The following SRFBP1 variants were observed in gnomAD, a reference collection of about 807,000 sequenced individuals.
The protein encoded by SRFBP1 is serum response factor-binding protein 1.
Under a neutral mutation model 45.5 loss-of-function variants are expected in SRFBP1, and 47 were observed. The ratio of observed to expected loss-of-function variants is 1.03; its 90% confidence interval spans 0.82 to 1.32. The LOEUF is 1.32. Among genes scored for constraint, SRFBP1 ranks in the 40% most tolerant of loss-of-function variants. The probability of loss-of-function intolerance (pLI) is 0.00; values close to 1 mark genes in which losing one functional copy is unlikely to be tolerated. For missense variants in SRFBP1, 621 were observed against 484.6 expected (o/e 1.28, Z -2.64); for synonymous variants, 203 against 166.3 (o/e 1.22, Z -1.70).
Position 121,971,002 on chromosome 5 carries a change from C to T in SRFBP1, c.37-3194C>T, listed in dbSNP as rs533336503. 3.9e-5 allele frequency among the ~76,000 whole-genome samples: 6 copies of T among 152,102 alleles called. No individual in the cohort carries two copies. The East Asian group carries it at 7.7e-4, about 20-fold the overall frequency. ...CAAAATCAGGATGAATAGATGTTAA[C>T]AAGTTGACATGGGAAAAAAGAACAT... On this transcript the variant is annotated intron_variant, in intron 1 of 7. Transcript: ENST00000339397.
intron 2 of SRFBP1, among the ~76,000 whole-genome samples, chr5:122,073,171 A>G (rs913816148): frequency 6.6e-6 from 1 of 152,340 alleles, no homozygotes; most frequent in Middle Eastern, 3.4e-3. Context: ...AGTTATGTAC[A>G]TTCACTACCC....
chr5:122,052,779 C>G (rs1289467932), intron 2 of SRFBP1, among the ~76,000 whole-genome samples: 1 of 152,198 alleles, frequency 6.6e-6, no homozygotes, highest in African/African-American at 2.4e-5. Flanking sequence ...AGTTAAGAAC[C>G]TTGCTGGGCA....
intron 1 of SRFBP1, among the ~76,000 whole-genome samples, chr5:121,962,659 T>C (rs1751974296): frequency 6.6e-6 from 1 of 152,214 alleles, no homozygotes; most frequent in Non-Finnish European, 1.5e-5. Flanking sequence ...CAGTCCATTC[T>C]CATCAGACAT....
At chr5:122,012,230 G>T (rs1273379414) in intron 4 of SRFBP1, among the ~76,000 whole-genome samples, 3 of 151,668 alleles carry the variant, frequency 2.0e-5, no homozygotes, top group Non-Finnish European at 4.4e-5. Flanking sequence ...GTTAAATGTA[G>T]GATTTTCTAA....
chr5:122,001,804 A>G (rs1026740462), intron 4 of SRFBP1, among the ~76,000 whole-genome samples: 14 of 149,414 alleles, frequency 9.4e-5, no homozygotes, highest in Admixed American at 4.0e-4. Flanking sequence ...CTCATGATCC[A>G]CCCGCCTCGG....
intron 4 of SRFBP1, among the ~76,000 whole-genome samples, chr5:122,003,891 A>G (rs1374275164): frequency 6.6e-6 from 1 of 152,114 alleles, no homozygotes. Flanking sequence ...TCCTTTGCCT[A>G]TTTTTAATTG....
chr5:121,969,650 A>T (rs565411640), intron 1 of SRFBP1, among the ~76,000 whole-genome samples: 12 of 152,030 alleles, frequency 7.9e-5, no homozygotes, highest in Non-Finnish European at 1.8e-4. Context: ...GCGATACTTC[A>T]CTGTCAGTAC....
At chr5:121,963,101 AG>A (rs1751983971) in intron 1 of SRFBP1, among the ~76,000 whole-genome samples, 1 of 152,216 alleles carries the variant, frequency 6.6e-6, no homozygotes, top group Admixed American at 6.5e-5. Flanking sequence ...GATTCAGGAA[AG>A]GGGAAGAAGT....
At chr5:121,990,987 T>C (rs1752610906) in intron 3 of SRFBP1, among the ~76,000 whole-genome samples, 1 of 151,956 alleles carries the variant, frequency 6.6e-6, no homozygotes, top group South Asian at 2.1e-4. Flanking sequence ...TTAGCCAAAT[T>C]AGGGCTTACC....
At chr5:122,007,862 C>T (rs186144848) in intron 4 of SRFBP1, among the ~76,000 whole-genome samples, 16 of 152,208 alleles carry the variant, frequency 1.1e-4, no homozygotes, top group African/African-American at 3.4e-4. Flanking sequence ...GTCTGAAACC[C>T]GGGGCCACAG....
At chr5:121,967,389 G>A (rs756553006) in intron 1 of SRFBP1, among the ~76,000 whole-genome samples, 1 of 152,102 alleles carries the variant, frequency 6.6e-6, no homozygotes, top group Non-Finnish European at 1.5e-5. Context: ...GGGAAGTTTT[G>A]CTAGGTGGCA....
intron 4 of SRFBP1, among the ~76,000 whole-genome samples, chr5:121,998,793 C>T (rs992362299): frequency 2.0e-5 from 3 of 151,950 alleles, no homozygotes; most frequent in African/African-American, 7.3e-5. Flanking sequence ...AACTGGAACC[C>T]AAAAAGAATT....
At chr5:122,078,217 C>T (rs1242754962), downstream of SRFBP1, 2 of 418,914 alleles carry the variant, frequency 4.8e-6, no homozygotes, top group Non-Finnish European at 4.1e-6. Context: ...TCCTGGAAGG[C>T]AACGGGGAGC....
intron 2 of SRFBP1, among the ~76,000 whole-genome samples, chr5:122,052,722 T>C (rs1287144079): frequency 6.6e-6 from 1 of 152,208 alleles, no homozygotes; most frequent in East Asian, 1.9e-4. Flanking sequence ...TCTTCATTAC[T>C]ATCCATATTC....
intron 2 of SRFBP1, among the ~76,000 whole-genome samples, chr5:122,042,424 A>T (rs1301235493): frequency 6.6e-6 from 1 of 151,830 alleles, no homozygotes; most frequent in Non-Finnish European, 1.5e-5. Context: ...ATGCCACCAC[A>T]CCTGGCTTTG....
chr5:122,077,956 G>C, downstream of SRFBP1: 1 of 1,477,186 alleles, frequency 6.8e-7, no homozygotes, highest in Non-Finnish European at 8.9e-7. The surrounding 1 kb of genome is among the most constrained non-coding windows in gnomAD (Gnocchi z 4.9). Flanking sequence ...GCAAAGGCCC[G>C]AGCAGGAGCA....
At chr5:122,032,398 C>T (rs79649427), downstream of SRFBP1, among the ~76,000 whole-genome samples, 6,703 of 151,942 alleles carry the variant, frequency 0.044, 177 homozygotes, top group African/African-American at 0.06. Flanking sequence ...CATTCCCGCC[C>T]GCCCCCTGTA....
At chr5:121,980,671 A>G (rs1752390030) in intron 3 of SRFBP1, among the ~76,000 whole-genome samples, 1 of 152,140 alleles carries the variant, frequency 6.6e-6, no homozygotes, top group Non-Finnish European at 1.5e-5. Flanking sequence ...CCTGGACATT[A>G]TGAAGTCGCA....
At chr5:121,990,818 A>G (rs1198959395) in intron 3 of SRFBP1, among the ~76,000 whole-genome samples, 2 of 152,154 alleles carry the variant, frequency 1.3e-5, no homozygotes, top group Non-Finnish European at 2.9e-5. Flanking sequence ...TTTTGACTAC[A>G]TGTCTTATTG....
Sources: allele counts gnomAD v4.1 joint callset (sites outside exome capture counted in the v4.1 genomes callset), GRCh38; gene constraint gnomAD v4.1.1; non-coding constraint Gnocchi (gnomAD v3.1); transcripts MANE v1.5; gene names NCBI Gene and HGNC (gene_info 2026-07-23, HGNC 2026-07-21).